Variants in KANK1 observed in about 807,000 individuals in gnomAD.
The protein encoded by KANK1 is KN motif and ankyrin repeat domain-containing protein 1.
In KANK1, 109 loss-of-function variants were observed where a neutral mutation model predicts 106.2. That is an observed-to-expected ratio of 1.03 (90% CI 0.88 to 1.20). The LOEUF (loss-of-function observed/expected upper bound fraction) is 1.20, where lower values mean the gene tolerates loss of function less well. Among genes scored for constraint, KANK1 ranks in the 50% most tolerant of loss-of-function variants. The pLI, the probability that KANK1 is intolerant of heterozygous loss-of-function variation, is 0.00. For missense variants in KANK1, 2,399 were observed against 1,710.7 expected, an observed-to-expected ratio of 1.40 and a Z score of -7.10; for synonymous variants, 873 against 652.2, an observed-to-expected ratio of 1.34 and a Z score of -5.16.
At chr9:598,596 T>G (rs1485103183) in intron 1 of KANK1, among the ~76,000 whole-genome samples, 1 of 149,968 alleles carries the variant, frequency 6.7e-6, no homozygotes, top group African/African-American at 2.5e-5. Context: ...TTCCTAGGTT[T>G]TTTTGTTTTG....
intron 1 of KANK1, among the ~76,000 whole-genome samples, chr9:587,018 G>C (rs898635585): frequency 1.3e-5 from 2 of 152,164 alleles, no homozygotes; most frequent in African/African-American, 4.8e-5. Flanking sequence ...CTTTCAGAAT[G>C]ATGGTCACTA....
In KANK1 at chr9:589,969, G is replaced by A. The variant is rs77128209; in HGVS notation, c.-84+85215G>A. Among the ~76,000 whole-genome samples the A allele has an allele frequency of 4.9e-3, 750 of 152,232 alleles. 11 individuals carry two copies. Among genetic ancestry groups the A allele is most frequent in the African/African-American group, 0.017 (699 of 41,560 alleles). Reference sequence around the variant, plus strand: ...GCTGAGGATTTCCTTGCCAGATGATGTAACTATCTGAGGATGTTTCTTTGT... The same window carrying A: ...GCTGAGGATTTCCTTGCCAGATGATATAACTATCTGAGGATGTTTCTTTGT... On this transcript the variant is annotated intron_variant, in intron 1 of 11. Coordinates refer to ENST00000382297, the MANE Select transcript of KANK1 (RefSeq NM_015158.5).
chr9:598,447 G>A (rs1826777977), intron 1 of KANK1, among the ~76,000 whole-genome samples: 1 of 151,114 alleles, frequency 6.6e-6, no homozygotes, highest in Non-Finnish European at 1.5e-5. Context: ...AGATTATTTG[G>A]AGTAATATTG....
At chr9:635,715 T>TTG (rs1554660346) in intron 1 of KANK1, among the ~76,000 whole-genome samples, 11 of 146,190 alleles carry the variant, frequency 7.5e-5, no homozygotes, top group Admixed American at 1.4e-4. Context: ...TTTTTTTTTT[T>TTG]TGAGACGGAG....
chr9:641,499 A>T (rs1317994169), intron 1 of KANK1, among the ~76,000 whole-genome samples: 1 of 152,196 alleles, frequency 6.6e-6, no homozygotes, highest in Admixed American at 6.5e-5. Flanking sequence ...CATGAACAAC[A>T]TGCAAATGGA....
intron 1 of KANK1, among the ~76,000 whole-genome samples, chr9:570,193 T>A (rs1818821095): frequency 6.6e-6 from 1 of 152,234 alleles, no homozygotes; most frequent in African/African-American, 2.4e-5. Flanking sequence ...CTAGTATGAT[T>A]GTGTGTGTAC....
upstream of KANK1, among the ~76,000 whole-genome samples, chr9:501,820 T>C (rs2058558712): frequency 6.6e-6 from 1 of 152,240 alleles, no homozygotes; most frequent in Admixed American, 6.5e-5. Context: ...CTCCAAATGA[T>C]GGGATTATAG....
intron 2 of KANK1, among the ~76,000 whole-genome samples, chr9:689,105 T>G (rs1326921096): frequency 6.6e-6 from 1 of 152,174 alleles, no homozygotes; most frequent in African/African-American, 2.4e-5. Flanking sequence ...TGGTATTGGC[T>G]TTTCTTAATG....
In KANK1 at chr9:712,047, A is replaced by G; in HGVS notation, c.1281A>G (p.Val427=). 1 of 1,614,210 alleles carries G rather than the reference A, an allele frequency of 6.2e-7. No individual in the cohort carries two copies. Among genetic ancestry groups the G allele is most frequent in the South Asian group, 1.1e-5 (1 of 91,082 alleles). ...RGSRSCKDAA[V]GTLVEMRNCG... ...CCAGGTCCTGTAAGGATGCAGCTGT[A>G]GGGACACTTGTTGAGATGAGAAATT... Residue 427 remains valine (V), a synonymous_variant, in exon 3 of 12, where the codon GTA becomes GTG. Coordinates refer to ENST00000382297, the MANE Select transcript of KANK1 (RefSeq NM_015158.5).
intron 3 of KANK1, among the ~76,000 whole-genome samples, chr9:486,343 A>C (rs1243688350): frequency 6.6e-6 from 1 of 152,138 alleles, no homozygotes; most frequent in Non-Finnish European, 1.5e-5. Flanking sequence ...TCTTGAAGTA[A>C]TCATCATCGT....
chr9:517,390 C>T (rs1348834673), intron 1 of KANK1, among the ~76,000 whole-genome samples: 2 of 151,826 alleles, frequency 1.3e-5, no homozygotes, highest in African/African-American at 4.9e-5. Context: ...GCGTGAGCCA[C>T]TGCGGCCCGG....
Position 713,452 on chromosome 9 carries a change from G to C in KANK1, c.2686G>C (p.Gly896Arg), listed in dbSNP as rs180806437. 224 of 1,589,780 alleles carry C rather than the reference G, an allele frequency of 1.4e-4. 1 individual carries two copies. The highest frequency in any genetic ancestry group is 7.0e-4 in the Middle Eastern group (4 of 5,728). Reference sequence around the variant, plus strand: ...CCCTGACTTCCAGAAAACCAGTCTGGGTAAAATCACAGGTAGGTGGTACCC... The same window carrying C: ...CCCTGACTTCCAGAAAACCAGTCTGCGTAAAATCACAGGTAGGTGGTACCC... ...RNPDFQKTSL[G>R]KITGNYLGYT... The change falls in exon 3 of 12, where the codon GGT becomes CGT. Residue 896 changes from glycine to arginine, a missense_variant. By Grantham distance (125) the Gly-to-Arg change is moderately radical (BLOSUM62 -2). Coordinates refer to ENST00000382297, the MANE Select transcript of KANK1 (RefSeq NM_015158.5).
rs550061760 is a variant in KANK1, at chr9:707,310, AGGG to A, written c.38-3490_38-3488del. The A allele has an allele frequency of 4.5e-4, 388 of 867,902 alleles. 3 individuals are homozygous for A. The African/African-American group carries it at 6.4e-3, about 14-fold the overall frequency. The allele number at this position is 867,902 out of a possible 1,614,324, so 53.8% of individuals were successfully genotyped here. On this transcript the variant is annotated intron_variant, in intron 2 of 11. Transcript: ENST00000382297. ...GGCCGAATTCCGGGGGGCCTGGGCG[AGGG>A]GGGCCGGCCGGGAAGGTGCGCACTG...
intron 3 of KANK1, among the ~76,000 whole-genome samples, chr9:481,107 A>G (rs1167882059): frequency 6.6e-6 from 1 of 152,242 alleles, no homozygotes; most frequent in African/African-American, 2.4e-5. Context: ...CTGTTTTATA[A>G]TAAAGTGTAG....
intron 2 of KANK1, chr9:681,063 T>G (rs1490173602): frequency 6.6e-6 from 1 of 152,018 alleles, no homozygotes; most frequent in Non-Finnish European, 1.5e-5. Context: ...AAAAAAATTT[T>G]TTTAAATTAG....
At chr9:680,513 C>G (rs927278757) in intron 2 of KANK1, among the ~76,000 whole-genome samples, 5 of 152,138 alleles carry the variant, frequency 3.3e-5, no homozygotes, top group African/African-American at 1.2e-4. Flanking sequence ...ATAACAAGCA[C>G]CTTTGTACAC....
chr9:511,823 A>C (rs1714228178), intron 1 of KANK1, among the ~76,000 whole-genome samples: 1 of 152,202 alleles, frequency 6.6e-6, no homozygotes, highest in Non-Finnish European at 1.5e-5. Flanking sequence ...TAGTTCTTCT[A>C]GTGGTTATTT....
Position 738,298 on chromosome 9 carries a change from A to AC in KANK1, c.3348dup (p.Thr1117HisfsTer28). 6.2e-7 allele frequency: 1 copy of AC among 1,612,744 alleles called. No individual in the cohort carries two copies. Among genetic ancestry groups the AC allele is most frequent in the South Asian group, 1.1e-5 (1 of 90,630 alleles). On this transcript the variant is annotated frameshift_variant, in exon 8 of 12. Coordinates refer to ENST00000382297, the MANE Select transcript of KANK1 (RefSeq NM_015158.5). LOFTEE classifies it high-confidence loss of function. ...GTGTTTTGGCAGAGGTTCTGTCTGA[A>AC]CACCCTCCAGCACGAGTGGTTCCGC... is the stretch of plus-strand genomic sequence containing the variant.
At chr9:699,854 C>A (rs1208929230) in intron 2 of KANK1, among the ~76,000 whole-genome samples, 1 of 152,176 alleles carries the variant, frequency 6.6e-6, no homozygotes, top group Non-Finnish European at 1.5e-5. Context: ...TGGTCACACA[C>A]ATCTGTAGTC....
Sources: allele counts gnomAD v4.1 joint callset (sites outside exome capture counted in the v4.1 genomes callset), GRCh38; gene constraint gnomAD v4.1.1; transcripts MANE v1.5; gene names NCBI Gene and HGNC (gene_info 2026-07-23, HGNC 2026-07-21).